The following CCDC148 variants were observed in gnomAD, a reference collection of about 807,000 sequenced individuals.
CCDC148 encodes the protein coiled-coil domain-containing protein 148.
Under a neutral mutation model 85.7 loss-of-function variants are expected in CCDC148, and 89 were observed. The ratio of observed to expected loss-of-function variants is 1.04; its 90% CI spans 0.87 to 1.24. The LOEUF is 1.24. Among genes scored for constraint, CCDC148 ranks in the 50% most tolerant of loss-of-function variants. CCDC148 has a pLI of 0.00. For synonymous variants in CCDC148, 230 were observed against 213.9 expected, an observed-to-expected ratio of 1.08 and a Z score of -0.66; for missense variants, 692 against 671.7, an observed-to-expected ratio of 1.03 and a Z score of -0.33.
At chr2:158,324,077 C>T (rs1692648697) in intron 7 of CCDC148, among the ~76,000 whole-genome samples, 1 of 151,486 alleles carries the variant, frequency 6.6e-6, no homozygotes, top group African/African-American at 2.4e-5. Context: ...CCACTACTGC[C>T]CAGCTAATTT....
intron 9 of CCDC148, among the ~76,000 whole-genome samples, chr2:158,262,859 A>G (rs1689291347): frequency 1.3e-5 from 2 of 152,074 alleles, no homozygotes; most frequent in South Asian, 4.1e-4. Context: ...AAACCATATG[A>G]ACCTAAAAGT....
intron 1 of CCDC148, among the ~76,000 whole-genome samples, chr2:158,436,805 A>T (rs1428058769): frequency 6.6e-6 from 1 of 152,242 alleles, no homozygotes; most frequent in East Asian, 1.9e-4. Flanking sequence ...ATCACCACTG[A>T]TCCCACAGAA....
intron 1 of CCDC148, among the ~76,000 whole-genome samples, chr2:158,362,388 C>T (rs568851262): frequency 2.6e-5 from 4 of 152,286 alleles, no homozygotes; most frequent in Admixed American, 2.6e-4. Context: ...AGCACCACAT[C>T]GCACTTACTT....
chr2:158,329,468 G>T (rs1413203505), intron 7 of CCDC148, among the ~76,000 whole-genome samples: 3 of 152,022 alleles, frequency 2.0e-5, no homozygotes, highest in African/African-American at 7.3e-5. Context: ...TGTTCTTTTG[G>T]CTTAGGATTG....
At chr2:158,226,099 G>A (rs1317013287) in intron 10 of CCDC148, among the ~76,000 whole-genome samples, 1 of 152,026 alleles carries the variant, frequency 6.6e-6, no homozygotes, top group Admixed American at 6.6e-5. Context: ...TCAAATAGAC[G>A]CAATAAAAAA....
chr2:158,409,178 C>G lies in CCDC148; in HGVS notation c.25+47237G>C, dbSNP rs375104691. On this transcript the variant is annotated intron_variant, in intron 1 of 13. Transcript: ENST00000283233. Reference sequence around the variant, plus strand: ...GGGAAACATGGGGTCAGAGCCCCCACGCAGAGTCCCTACTGGGGAACTGAC... The same window carrying G: ...GGGAAACATGGGGTCAGAGCCCCCAGGCAGAGTCCCTACTGGGGAACTGAC... Among the ~76,000 whole-genome samples, 24 of 152,294 alleles carry G rather than the reference C, an allele frequency of 1.6e-4. 2 individuals carry two copies. In the South Asian group the frequency reaches 1.7e-3, roughly 11 times the overall value.
In CCDC148 at chr2:158,171,872, A is replaced by C; in HGVS notation, c.*241T>G. The C allele has an allele frequency of 3.0e-6, 1 of 331,644 alleles. No homozygotes were observed. Among genetic ancestry groups the C allele is most frequent in the Non-Finnish European group, 5.4e-6 (1 of 185,334 alleles). The allele number at this position is 331,644 out of a possible 1,614,324, so 20.5% of individuals were successfully genotyped here. A position where few individuals can be genotyped will look rare whatever the true frequency, so the allele number is the denominator to read the frequency against. On this transcript the variant is annotated 3_prime_UTR_variant, in exon 14 of 14. Coordinates refer to ENST00000283233, the MANE Select transcript of CCDC148 (RefSeq NM_138803.4). ...TACTAAATTATAGTATAAGTACTAT[A>C]TGTGCCATAATTAAGTTCCATAATT...
chr2:158,393,117 T>C (rs1020563446), intron 1 of CCDC148: 2 of 152,116 alleles, frequency 1.3e-5, no homozygotes, highest in Admixed American at 6.6e-5. Context: ...AACTATAACA[T>C]TTCATAATAT....
chr2:158,415,137 A>T (rs1158923709), intron 1 of CCDC148, among the ~76,000 whole-genome samples: 1 of 86,652 alleles, frequency 1.2e-5, no homozygotes, highest in African/African-American at 3.6e-5. Context: ...GTAATTCATT[A>T]AAAAAAAAAA....
intron 11 of CCDC148, among the ~76,000 whole-genome samples, chr2:158,183,508 AG>A: frequency 6.6e-6 from 1 of 152,138 alleles, no homozygotes; most frequent in Non-Finnish European, 1.5e-5. Flanking sequence ...ACAGCCACCA[AG>A]GGGGAAAAAG....
At chr2:158,355,063 T>C (rs1683552285) in intron 2 of CCDC148, among the ~76,000 whole-genome samples, 1 of 151,902 alleles carries the variant, frequency 6.6e-6, no homozygotes, top group Non-Finnish European at 1.5e-5. Context: ...AAATTAGGTA[T>C]TGATGGGACG....
At chr2:158,441,077 A>C (rs1264332716) in intron 1 of CCDC148, among the ~76,000 whole-genome samples, 1 of 152,132 alleles carries the variant, frequency 6.6e-6, no homozygotes, top group Non-Finnish European at 1.5e-5. Context: ...AAAAGAAAGG[A>C]AAAGTACCAT....
intron 1 of CCDC148, among the ~76,000 whole-genome samples, chr2:158,359,626 G>A (rs6756255): frequency 0.056 from 8,493 of 152,170 alleles, 510 homozygotes; most frequent in African/African-American, 0.15. Flanking sequence ...GAGGGACTGT[G>A]CCGTGAGGAA....
chr2:158,220,501 G>A, intron 11 of CCDC148, 94 bp downstream of exon 11: 1 of 805,748 alleles, frequency 1.2e-6, no homozygotes, highest in Non-Finnish European at 2.0e-6. Context: ...ATTAAGTATA[G>A]AAAAAAGTTC....
At chr2:158,310,498 G>A (rs1280696581) in intron 8 of CCDC148, among the ~76,000 whole-genome samples, 1 of 150,646 alleles carries the variant, frequency 6.6e-6, no homozygotes, top group Admixed American at 6.6e-5. Flanking sequence ...AGACGTGACG[G>A]CTGGGCAGAG....
chr2:158,273,233 G>C (rs1185234879), intron 9 of CCDC148, among the ~76,000 whole-genome samples: 1 of 152,152 alleles, frequency 6.6e-6, no homozygotes, highest in Non-Finnish European at 1.5e-5. Flanking sequence ...ATGAAGATGG[G>C]TTAAAAGTCT....
At chr2:158,214,846 C>G (rs1686763741) in intron 11 of CCDC148, among the ~76,000 whole-genome samples, 1 of 151,930 alleles carries the variant, frequency 6.6e-6, no homozygotes, top group Non-Finnish European at 1.5e-5. Context: ...AAGTCTAGAG[C>G]TGTAGAGCTA....
At chr2:158,444,317 C>A (rs571890935) in intron 1 of CCDC148, among the ~76,000 whole-genome samples, 35 of 152,028 alleles carry the variant, frequency 2.3e-4, no homozygotes, top group African/African-American at 6.8e-4. Flanking sequence ...AGTTATTGGG[C>A]CAGTATTAAT....
intron 10 of CCDC148, among the ~76,000 whole-genome samples, chr2:158,246,965 G>A (rs2105137791): frequency 6.6e-6 from 1 of 152,244 alleles, no homozygotes; most frequent in South Asian, 2.1e-4. Context: ...CTTGCTACCA[G>A]GTCACAGTTC....
Sources: allele counts gnomAD v4.1 joint callset (sites outside exome capture counted in the v4.1 genomes callset), GRCh38; gene constraint gnomAD v4.1.1; transcripts MANE v1.5; gene names NCBI Gene and HGNC (gene_info 2026-07-23, HGNC 2026-07-21).